The following SLC20A2 variants were observed in gnomAD, a reference collection of about 807,000 sequenced individuals.
The protein encoded by SLC20A2 is solute carrier family 20 member 2, also known as sodium-dependent phosphate transporter 2.
In SLC20A2, 30 loss-of-function variants were observed where a neutral mutation model predicts 61.0. That is an observed-to-expected ratio of 0.49 (90% CI 0.37 to 0.67). The LOEUF is 0.67. Among genes scored for constraint, SLC20A2 ranks in the 30% least tolerant of loss-of-function variants. SLC20A2 has a pLI of 0.00. For missense variants in SLC20A2, 626 were observed against 866.4 expected (o/e 0.72, Z 3.48); for synonymous variants, 351 against 353.3 (o/e 0.99, Z 0.07).
In SLC20A2 at chr8:42,417,782, T is replaced by C. The variant is rs376749319; in HGVS notation, c.*21A>G. 3.3e-5 allele frequency: 54 copies of C among 1,612,456 alleles called. No homozygotes were observed. The highest frequency in any genetic ancestry group is 1.1e-4 in the African/African-American group (8 of 74,864). On this transcript the variant is annotated 3_prime_UTR_variant, in exon 11 of 11. Transcript: ENST00000520262. ...AACACCAGACCATCCCTTTAGCTGT[T>C]TGCAGCTGGAAGAAGACAAATCACA...
At chr8:42,431,736 A>G (rs115245986) in intron 8 of SLC20A2, among the ~76,000 whole-genome samples, 32 of 152,338 alleles carry the variant, frequency 2.1e-4, no homozygotes, top group African/African-American at 7.2e-4. Context: ...GTTGAAGCCA[A>G]TGTTCACTTA....
At chr8:42,483,737 T>C (rs1294091687) in intron 1 of SLC20A2, among the ~76,000 whole-genome samples, 1 of 152,250 alleles carries the variant, frequency 6.6e-6, no homozygotes, top group African/African-American at 2.4e-5. Flanking sequence ...TCGCTTAACA[T>C]ATGAAACTTC....
At chr8:42,503,556 A>G (rs995306070), upstream of SLC20A2, among the ~76,000 whole-genome samples, 2 of 152,248 alleles carry the variant, frequency 1.3e-5, no homozygotes, top group Non-Finnish European at 2.9e-5. Context: ...ATTTAATAAT[A>G]TATTTTAACT....
At chr8:42,508,039 T>C (rs373725691) in intron 1 of SLC20A2, among the ~76,000 whole-genome samples, 3 of 152,186 alleles carry the variant, frequency 2.0e-5, no homozygotes, top group African/African-American at 7.2e-5. Flanking sequence ...GGTACATGCC[T>C]GTAGTCCCAG....
chr8:42,433,230 C>T (rs139175537), intron 8 of SLC20A2, among the ~76,000 whole-genome samples: 17 of 152,356 alleles, frequency 1.1e-4, no homozygotes, highest in African/African-American at 3.8e-4. Flanking sequence ...CAAATTCCCA[C>T]TGCCCCTCCC....
chr8:42,459,813 C>G (rs1463146131), intron 5 of SLC20A2, 83 bp downstream of exon 5: 11 of 908,766 alleles, frequency 1.2e-5, no homozygotes, highest in Non-Finnish European at 1.7e-5. Context: ...TACTGTCAGC[C>G]AACAATACCA....
intron 5 of SLC20A2, among the ~76,000 whole-genome samples, chr8:42,445,969 GTTTA>G (rs1370558173): frequency 1.3e-5 from 2 of 152,098 alleles, no homozygotes; most frequent in African/African-American, 4.8e-5. Context: ...TTTTGTTGTT[GTTTA>G]TTTATTTTTA....
rs970811748 is a variant in SLC20A2 at position 42,444,683 on chromosome 8, C to G, written c.693G>C (p.Trp231Cys). ...GVALLFAFFV[W>C]LFVCPWMRRK... ...TCCGCATCCACGGACACACGAAGAGCCACACAAAAAAAGCGAACAGGAGGG... is the reference window on the plus strand; with the variant it reads ...TCCGCATCCACGGACACACGAAGAGGCACACAAAAAAAGCGAACAGGAGGG... Residue 231 changes from tryptophan to cysteine, a missense_variant, in exon 6 of 11, where the codon TGG becomes TGC. Coordinates refer to ENST00000520262, the MANE Select transcript of SLC20A2 (RefSeq NM_001257180.2). The G allele has an allele frequency of 1.2e-6, 2 of 1,613,792 alleles. No individual in the cohort carries two copies. Among genetic ancestry groups the G allele is most frequent in the South Asian group, 1.1e-5 (1 of 91,084 alleles).
At chr8:42,510,281 A>C (rs901384933) in intron 1 of SLC20A2, among the ~76,000 whole-genome samples, 2 of 152,238 alleles carry the variant, frequency 1.3e-5, no homozygotes, top group Admixed American at 6.5e-5. Context: ...CTGCAATCTT[A>C]CAGTATTTAT....
At chr8:42,431,929 T>G (rs1391920771) in intron 8 of SLC20A2, among the ~76,000 whole-genome samples, 2 of 152,242 alleles carry the variant, frequency 1.3e-5, no homozygotes, top group African/African-American at 4.8e-5. Flanking sequence ...TCATTGACAA[T>G]GCACTTGGTC....
rs78316176 is a variant in SLC20A2 at position 42,479,248 on chromosome 8, T to G, written c.-264-6594A>C. Among the ~76,000 whole-genome samples the G allele has an allele frequency of 4.6e-3, 707 of 152,286 alleles. 41 individuals carry two copies. The East Asian group carries it at 0.12, about 26-fold the overall frequency. ...TATAAACATTTCAGGTGAAAATCAT[T>G]CCCATGGGGAACCACAGACTGAACA... On this transcript the variant is annotated intron_variant, in intron 1 of 10. Transcript: ENST00000520262.
chr8:42,464,014 T>C (rs1323563979), intron 3 of SLC20A2, among the ~76,000 whole-genome samples: 3 of 150,274 alleles, frequency 2.0e-5, no homozygotes, highest in African/African-American at 7.3e-5. Flanking sequence ...GCTTACGTCT[T>C]GGTCCCTGCC....
At chr8:42,436,932 C>A in intron 8 of SLC20A2, 57 bp downstream of exon 8, 3 of 1,483,364 alleles carry the variant, frequency 2.0e-6, no homozygotes, top group East Asian at 2.3e-5. Context: ...CCGCACAGCG[C>A]TGGCCCCTGG....
At chr8:42,479,690 C>T (rs1586160769) in intron 1 of SLC20A2, among the ~76,000 whole-genome samples, 1 of 152,076 alleles carries the variant, frequency 6.6e-6, no homozygotes, top group East Asian at 1.9e-4. Flanking sequence ...GCTGGCATGG[C>T]AGTGTGCATC....
chr8:42,476,967 C>T (rs540449482), intron 1 of SLC20A2, among the ~76,000 whole-genome samples: 2 of 152,060 alleles, frequency 1.3e-5, no homozygotes, highest in East Asian at 1.9e-4. Flanking sequence ...GCAGATGCCT[C>T]GCCACTGGTT....
At chr8:42,479,032 G>A (rs1219466570) in intron 1 of SLC20A2, among the ~76,000 whole-genome samples, 2 of 152,160 alleles carry the variant, frequency 1.3e-5, no homozygotes, top group African/African-American at 2.4e-5. Context: ...AAGACGGATC[G>A]AGGAGGGGCT....
At chr8:42,440,858 T>C (rs980825899) in intron 6 of SLC20A2, among the ~76,000 whole-genome samples, 1 of 152,258 alleles carries the variant, frequency 6.6e-6, no homozygotes. Flanking sequence ...TGGAGTGCAG[T>C]GGCTCTATCT....
chr8:42,476,294 G>A (rs934570560), intron 1 of SLC20A2, among the ~76,000 whole-genome samples: 2 of 151,588 alleles, frequency 1.3e-5, no homozygotes, highest in Admixed American at 6.6e-5. Flanking sequence ...TAGTAGAGAC[G>A]GGGTTTCACC....
intron 1 of SLC20A2, among the ~76,000 whole-genome samples, chr8:42,526,937 T>A (rs1812000135): frequency 6.6e-6 from 1 of 151,358 alleles, no homozygotes; most frequent in Non-Finnish European, 1.5e-5. Context: ...GACCCCGCCT[T>A]TACAAAAAAA....
Sources: gnomAD v4.1 joint callset for allele counts (sites outside exome capture counted in the v4.1 genomes callset) on GRCh38, gnomAD v4.1.1 for gene constraint, MANE v1.5 for transcripts, NCBI Gene and HGNC (gene_info 2026-07-23, HGNC 2026-07-21) for gene names.